The following IMPG1 variants were observed in gnomAD, a reference collection of about 807,000 sequenced individuals.
IMPG1 encodes interphotoreceptor matrix proteoglycan of 150 kDa.
Under a neutral mutation model 92.0 loss-of-function variants are expected in IMPG1, and 85 were observed. The observed-to-expected ratio is 0.92, with a 90% CI of 0.78 to 1.11. IMPG1 has a LOEUF of 1.11. Among genes scored for constraint, IMPG1 ranks in the 50% least tolerant of loss-of-function variants. The pLI is 0.00. For synonymous variants in IMPG1, 367 were observed against 334.1 expected, an observed-to-expected ratio of 1.10 and a Z score of -1.08; for missense variants, 1,022 against 956.0, an observed-to-expected ratio of 1.07 and a Z score of -0.91.
intron 7 of IMPG1, among the ~76,000 whole-genome samples, chr6:76,012,426 C>G (rs1783201701): frequency 1.3e-5 from 2 of 152,230 alleles, no homozygotes; most frequent in African/African-American, 4.8e-5. Flanking sequence ...ACATAAGGAG[C>G]CTTCGAGTTT....
intron 1 of IMPG1, among the ~76,000 whole-genome samples, chr6:76,063,184 A>G (rs1211665903): frequency 1.3e-5 from 2 of 152,102 alleles, no homozygotes; most frequent in Non-Finnish European, 2.9e-5. Flanking sequence ...AGCCTGGGTG[A>G]TAAAGTGAGA....
intron 1 of IMPG1, among the ~76,000 whole-genome samples, chr6:76,053,911 T>G (rs1009096424): frequency 1.3e-5 from 2 of 152,146 alleles, no homozygotes; most frequent in African/African-American, 4.8e-5. Context: ...AATGATATTC[T>G]AACTACTCAA....
rs1466462495 is a variant in IMPG1 at position 75,987,671 on chromosome 6, G to C, written c.1291+15247C>G. 2.0e-5 allele frequency among the ~76,000 whole-genome samples: 3 copies of C among 150,270 alleles called. No individual in the cohort carries two copies. The East Asian group carries it at 5.9e-4, about 29-fold the overall frequency. On this transcript the variant is annotated intron_variant, in intron 12 of 16. Coordinates refer to ENST00000369950, the MANE Select transcript of IMPG1 (RefSeq NM_001563.4). ...ACTTTTTTTTTTTTTTTGAGACAGG[G>C]TCTCACTCTGTTACCCAGGCTGGAG...
rs1437647337 is a variant in IMPG1, at chr6:75,955,601, T to G, written c.1292-4507A>C. On this transcript the variant is annotated intron_variant, in intron 12 of 16. Coordinates refer to ENST00000369950, the MANE Select transcript of IMPG1 (RefSeq NM_001563.4). ...TTGAATACCCTTTATTTTTTTCTCT[T>G]GCCTGATTGCCCTGGCCAGAACTTC... Among the ~76,000 whole-genome samples, 7 of 152,214 alleles carry G rather than the reference T, an allele frequency of 4.6e-5. No homozygotes were observed. The East Asian group carries it at 1.3e-3, about 29-fold the overall frequency.
chr6:75,956,952 C>T (rs1782135262), intron 12 of IMPG1, among the ~76,000 whole-genome samples: 1 of 152,010 alleles, frequency 6.6e-6, no homozygotes, highest in South Asian at 2.1e-4. Flanking sequence ...TGGAGTCTTG[C>T]TCTGTCACCC....
chr6:75,971,727 G>GGACCTCTGCCTTCTATATTGTCTTTGC (rs1206708687), intron 12 of IMPG1, among the ~76,000 whole-genome samples: 3 of 152,074 alleles, frequency 2.0e-5, no homozygotes, highest in Non-Finnish European at 4.4e-5. Context: ...TGATTCATAG[G>GGACCTCTGCCTTCTATATTGTCTTTGC]GACCTCTGCC....
At chr6:76,066,958 A>T (rs369457556) in intron 1 of IMPG1, among the ~76,000 whole-genome samples, 2 of 152,122 alleles carry the variant, frequency 1.3e-5, no homozygotes, top group African/African-American at 4.8e-5. Context: ...CTGTGGGTCA[A>T]TGACAAAATT....
chr6:75,936,495 C>T (rs1388298177), intron 14 of IMPG1, among the ~76,000 whole-genome samples: 1 of 152,170 alleles, frequency 6.6e-6, no homozygotes. Flanking sequence ...ATGTTTGGAG[C>T]TTAATACACA....
intron 4 of IMPG1, among the ~76,000 whole-genome samples, chr6:76,033,980 A>T (rs970125726): frequency 6.6e-6 from 1 of 152,228 alleles, no homozygotes; most frequent in African/African-American, 2.4e-5. Flanking sequence ...TGATGTAACT[A>T]ATAGTTTACC....
chr6:76,007,499 G>T lies in IMPG1; in HGVS notation c.868C>A (p.Pro290Thr). 1 of 1,596,126 alleles carries T rather than the reference G, an allele frequency of 6.3e-7. No individual in the cohort carries two copies. Among genetic ancestry groups the T allele is most frequent in the Non-Finnish European group, 8.6e-7 (1 of 1,168,714 alleles). The change falls in exon 9 of 17, where the codon CCA becomes ACA. Residue 290 changes from proline (P) to threonine (T), a missense_variant and splice_region_variant. By Grantham distance (38) the Pro-to-Thr change is conservative. Transcript: ENST00000369950. ...AATTACCCATCTTTTTCTTTCTTTG[G>T]TCTTCATTTCATCATGCACAATGGA... is the stretch of plus-strand genomic sequence containing the variant. ...FKKIHVLGFR[P>T]KKEKDGSSST...
At chr6:75,947,220 G>A (rs1408090947) in intron 14 of IMPG1, 94 bp downstream of exon 14, 10 of 909,404 alleles carry the variant, frequency 1.1e-5, no homozygotes, top group Non-Finnish European at 1.7e-5. Context: ...TTTGATTTTT[G>A]TGGCCTAAAG....
intron 1 of IMPG1, among the ~76,000 whole-genome samples, chr6:76,047,062 T>A (rs1285740523): frequency 1.3e-5 from 2 of 152,238 alleles, no homozygotes; most frequent in Non-Finnish European, 2.9e-5. Flanking sequence ...TAATATGTCA[T>A]GGGTTAGATA....
In IMPG1 at chr6:76,021,778, C is replaced by CATAT. The variant is rs140827081; in HGVS notation, c.666+334_666+337dup. Reference sequence around the variant, plus strand: ...TTCATTCATTCTAACACTTGGAGAGCATATATATATATATATATATATATG... The same window carrying CATAT: ...TTCATTCATTCTAACACTTGGAGAGCATATATATATATATATATATATATATATG... On this transcript the variant is annotated intron_variant, in intron 6 of 16. Transcript: ENST00000369950. Among the ~76,000 whole-genome samples, 142 of 49,488 alleles carry CATAT rather than the reference C, an allele frequency of 2.9e-3. 10 individuals are homozygous for CATAT. The highest frequency in any genetic ancestry group is 0.014 in the Middle Eastern group (1 of 70). 32.5% of individuals were successfully genotyped at this position (49,488 alleles called of 152,430 possible).
At position 76,034,280 on chromosome 6, in the gene IMPG1, A is replaced by C. The variant is rs774507383; in HGVS notation, c.497+35T>G. On this transcript the variant is annotated intron_variant, in intron 4 of 16. Transcript: ENST00000369950. ...ATTATATGATCTTTTTAAATTCAAA[A>C]GCACACACACACACACTCTATTTTG... is the stretch of plus-strand genomic sequence containing the variant. The C allele has an allele frequency of 2.9e-5, 46 of 1,596,048 alleles. 1 individual carries two copies. The South Asian group carries it at 4.7e-4, about 16-fold the overall frequency.
chr6:76,012,196 G>A (rs911427766), intron 7 of IMPG1, among the ~76,000 whole-genome samples: 1 of 152,072 alleles, frequency 6.6e-6, no homozygotes, highest in African/African-American at 2.4e-5. Flanking sequence ...AATGAGGCCT[G>A]TTATAATATT....
intron 2 of IMPG1, among the ~76,000 whole-genome samples, chr6:76,035,128 A>G (rs1481093965): frequency 6.6e-6 from 1 of 152,034 alleles, no homozygotes; most frequent in Non-Finnish European, 1.5e-5. Flanking sequence ...CAGTTTGTGG[A>G]GTGCTAGGGG....
intron 12 of IMPG1, among the ~76,000 whole-genome samples, chr6:75,972,285 C>T (rs1043143377): frequency 4.6e-5 from 7 of 152,166 alleles, no homozygotes; most frequent in Non-Finnish European, 7.3e-5. Flanking sequence ...ATGCAAGATA[C>T]GTACATTCTG....
At chr6:75,946,855 G>C (rs1781936002) in intron 14 of IMPG1, among the ~76,000 whole-genome samples, 1 of 151,758 alleles carries the variant, frequency 6.6e-6, no homozygotes, top group Non-Finnish European at 1.5e-5. Flanking sequence ...TTAGAATGCT[G>C]TCTCTGATCC....
intron 15 of IMPG1, 113 bp from the exon 16 acceptor site, chr6:75,923,819 G>T: frequency 1.6e-6 from 1 of 609,588 alleles, no homozygotes; most frequent in Non-Finnish European, 2.8e-6. Flanking sequence ...AAAATAGATA[G>T]CATATTTTTG....
Sources: allele counts gnomAD v4.1 joint callset (sites outside exome capture counted in the v4.1 genomes callset), GRCh38; gene constraint gnomAD v4.1.1; transcripts MANE v1.5; gene names NCBI Gene and HGNC (gene_info 2026-07-23, HGNC 2026-07-21).